Variants in FASTKD1 observed in about 807,000 individuals in gnomAD.
FASTKD1 encodes FAST kinase domain-containing protein 1, mitochondrial.
FASTKD1 carries 94 observed loss-of-function variants against 90.9 expected under a neutral mutation model. That is an observed-to-expected ratio of 1.03 (90% CI 0.88 to 1.23). The LOEUF (loss-of-function observed/expected upper bound fraction) is 1.23, where lower values mean the gene tolerates loss of function less well. FASTKD1 is among the 50% of genes most tolerant of loss of function. The pLI is 0.00. For missense variants in FASTKD1, 945 were observed against 993.5 expected (o/e 0.95, Z 0.66); for synonymous variants, 319 against 345.8 (o/e 0.92, Z 0.86).
chr2:169,542,799 G>A (rs1399911102), intron 9 of FASTKD1, among the ~76,000 whole-genome samples: 1 of 152,084 alleles, frequency 6.6e-6, no homozygotes, highest in Admixed American at 6.6e-5. Context: ...ATCTATTAAG[G>A]TTCTTAAGAA....
intron 9 of FASTKD1, among the ~76,000 whole-genome samples, chr2:169,541,738 C>T (rs1197324479): frequency 6.6e-6 from 1 of 152,180 alleles, no homozygotes; most frequent in Non-Finnish European, 1.5e-5. Context: ...GATATGGAAG[C>T]TCTCAGTATC....
At chr2:169,542,195 A>G (rs746979827) in intron 9 of FASTKD1, among the ~76,000 whole-genome samples, 34 of 152,196 alleles carry the variant, frequency 2.2e-4, no homozygotes, top group Non-Finnish European at 4.4e-4. Context: ...CCCCTAACAG[A>G]AAGTAAACTC....
At chr2:169,565,479 G>A (rs1047068262) in intron 3 of FASTKD1, among the ~76,000 whole-genome samples, 1 of 150,752 alleles carries the variant, frequency 6.6e-6, no homozygotes, top group Non-Finnish European at 1.5e-5. Flanking sequence ...AGCCAGGATG[G>A]TCTCGATCTC....
chr2:169,563,884 T>C (rs1300591333), intron 3 of FASTKD1, among the ~76,000 whole-genome samples: 2 of 152,162 alleles, frequency 1.3e-5, no homozygotes, highest in African/African-American at 2.4e-5. Context: ...AATAAAATTA[T>C]GGAATCATAC....
intron 5 of FASTKD1, among the ~76,000 whole-genome samples, chr2:169,558,552 C>T (rs780627181): frequency 1.3e-5 from 2 of 152,064 alleles, no homozygotes; most frequent in East Asian, 1.9e-4. Context: ...CAGGTTCAAG[C>T]GATTCTCCTG....
In FASTKD1 at chr2:169,563,138, T is replaced by C. The variant is rs189157797; in HGVS notation, c.572+87A>G. The C allele has an allele frequency of 6.8e-6, 9 of 1,326,696 alleles. No individual in the cohort carries two copies. The Admixed American group carries it at 1.8e-4, about 26-fold the overall frequency. The allele number at this position is 1,326,696 out of a possible 1,614,324, so 82.2% of individuals were successfully genotyped here. On this transcript the variant is annotated intron_variant, in intron 4 of 14. Transcript: ENST00000453153. ...AGAGCTTAAGTAACCTTAAGTCACATAAACTAAGAGTAGCAAATCTGACTG... is the reference window on the plus strand; with the variant it reads ...AGAGCTTAAGTAACCTTAAGTCACACAAACTAAGAGTAGCAAATCTGACTG...
chr2:169,556,189 C>T (rs1028117742), intron 6 of FASTKD1, among the ~76,000 whole-genome samples: 2 of 152,028 alleles, frequency 1.3e-5, no homozygotes, highest in African/African-American at 4.8e-5. Flanking sequence ...AACAAACCAG[C>T]ACTTTGGGAG....
chr2:169,571,644 A>AT lies in FASTKD1; in HGVS notation c.377+8dup. On this transcript the variant is annotated intron_variant, in intron 2 of 14. Coordinates refer to ENST00000453153, the MANE Select transcript of FASTKD1 (RefSeq NM_024622.6). Reference sequence around the variant, plus strand: ...ATCATTCCATAAAATATAAAAGTAAATTACTTACTGTTGTGTGACGTATAA... The same window carrying AT: ...ATCATTCCATAAAATATAAAAGTAAATTTACTTACTGTTGTGTGACGTATAA... 6.7e-7 allele frequency: 1 copy of AT among 1,484,756 alleles called. No individual in the cohort carries two copies. Among genetic ancestry groups the AT allele is most frequent in the Non-Finnish European group, 9.2e-7 (1 of 1,091,340 alleles). 92.0% of individuals were successfully genotyped at this position (1,484,756 alleles called of 1,614,324 possible).
intron 4 of FASTKD1, 83 bp downstream of exon 4, chr2:169,563,142 C>T (rs35894297): frequency 6.6e-6 from 9 of 1,361,132 alleles, no homozygotes; most frequent in Non-Finnish European, 8.1e-6. Context: ...GTCACATAAA[C>T]TAAGAGTAGC....
intron 3 of FASTKD1, among the ~76,000 whole-genome samples, chr2:169,565,249 CTTTTTTTTTTTT>C (rs71003101): frequency 4.1e-4 from 11 of 26,550 alleles, no homozygotes; most frequent in South Asian, 1.5e-3. Flanking sequence ...CCACACCAGG[CTTTTTTTTTTTT>C]TTTTTTTTTT....
chr2:169,548,731 CAA>C (rs58560988), intron 7 of FASTKD1, among the ~76,000 whole-genome samples: 1,892 of 35,344 alleles, frequency 0.054, 6 homozygotes, highest in East Asian at 0.19. Flanking sequence ...GACTCCGCCT[CAA>C]AAAAAAAAAA....
intron 5 of FASTKD1, among the ~76,000 whole-genome samples, chr2:169,558,598 C>G (rs112128072): frequency 2.6e-5 from 4 of 151,712 alleles, no homozygotes; most frequent in African/African-American, 9.7e-5. Flanking sequence ...TACAGGTGCC[C>G]ACCACCACGC....
chr2:169,559,134 C>A (rs907724858), intron 5 of FASTKD1, among the ~76,000 whole-genome samples: 11 of 151,640 alleles, frequency 7.3e-5, no homozygotes, highest in Admixed American at 6.6e-4. Context: ...CCATCATGCC[C>A]GACTTATCTT....
At position 169,557,168 on chromosome 2, in the gene FASTKD1, T is replaced by TAA; in HGVS notation, c.1082+17_1082+18dup. 1 of 1,501,024 alleles carries TAA rather than the reference T, an allele frequency of 6.7e-7. No homozygotes were observed. The highest frequency in any genetic ancestry group is 2.3e-5 in the East Asian group (1 of 44,260). 93.0% of individuals were successfully genotyped at this position (1,501,024 alleles called of 1,614,324 possible). On this transcript the variant is annotated intron_variant, in intron 6 of 14. Transcript: ENST00000453153. ...GTGAATGACAACAAACTTAACGTCGTAAATTTCAGAAAAGATACCTTTTAA... is the reference window on the plus strand; with the variant it reads ...GTGAATGACAACAAACTTAACGTCGTAAAAATTTCAGAAAAGATACCTTTTAA...
rs996793747 is a variant in FASTKD1 at position 169,554,497 on chromosome 2, C to G, written c.1214+627G>C. Among the ~76,000 whole-genome samples the G allele has an allele frequency of 6.9e-5, 10 of 145,402 alleles. 1 individual carries two copies. Among genetic ancestry groups the G allele is most frequent in the Admixed American group, 2.0e-4 (3 of 14,720 alleles). On this transcript the variant is annotated intron_variant, in intron 7 of 14. Coordinates refer to ENST00000453153, the MANE Select transcript of FASTKD1 (RefSeq NM_024622.6). ...TGACCAATACAGTGAAATCCCATCT[C>G]TACTAAAATTACAAAAATTAACAGG...
chr2:169,562,185 G>T (rs578018417), intron 4 of FASTKD1, among the ~76,000 whole-genome samples: 3 of 146,030 alleles, frequency 2.1e-5, no homozygotes, highest in South Asian at 2.2e-4. Flanking sequence ...TGGTTTTTTT[G>T]GATTTTGTTG....
At chr2:169,561,818 ATTATTTATTAATTTATTGTAAATTAT>A (rs1683647827) in intron 4 of FASTKD1, among the ~76,000 whole-genome samples, 2 of 143,366 alleles carry the variant, frequency 1.4e-5, no homozygotes. Flanking sequence ...TTTATTGTAA[ATTATTTATTAATTTATTGTAAATTAT>A]TTATTAATTT....
intron 3 of FASTKD1, among the ~76,000 whole-genome samples, chr2:169,564,111 C>T (rs1559159176): frequency 6.6e-6 from 1 of 151,960 alleles, no homozygotes; most frequent in Non-Finnish European, 1.5e-5. Flanking sequence ...ATTCATCATG[C>T]TGTATGCTTA....
At chr2:169,537,950 T>C (rs760173722) in intron 11 of FASTKD1, 63 bp downstream of exon 11, 4 of 1,410,758 alleles carry the variant, frequency 2.8e-6, no homozygotes, top group South Asian at 2.7e-5. Context: ...AGATTAACAA[T>C]GTACTACCTA....
Sources: allele counts gnomAD v4.1 joint callset (sites outside exome capture counted in the v4.1 genomes callset), GRCh38; gene constraint gnomAD v4.1.1; transcripts MANE v1.5; gene names NCBI Gene and HGNC (gene_info 2026-07-23, HGNC 2026-07-21).